Variants in PHACTR2 observed in about 807,000 individuals in gnomAD.
PHACTR2 encodes chromosome 6 open reading frame 56.
PHACTR2 carries 30 observed loss-of-function variants against 76.0 expected under a neutral mutation model. The observed-to-expected ratio is 0.39, with a 90% CI of 0.30 to 0.54. The LOEUF (loss-of-function observed/expected upper bound fraction) is 0.54, where lower values mean the gene tolerates loss of function less well. PHACTR2 is among the 20% of genes least tolerant of loss of function. The pLI is 0.61. For synonymous variants in PHACTR2, 292 were observed against 292.5 expected (o/e 1.00, Z 0.02); for missense variants, 696 against 781.1 (o/e 0.89, Z 1.30).
chr6:143,653,796 A>C lies in PHACTR2; in HGVS notation c.13+45474A>C, dbSNP rs1776802493. 6.6e-6 allele frequency among the ~76,000 whole-genome samples: 1 copy of C among 152,168 alleles called. No homozygotes were observed. Among genetic ancestry groups the C allele is most frequent in the Non-Finnish European group, 1.5e-5 (1 of 68,022 alleles). On this transcript the variant is annotated intron_variant, in intron 1 of 11. Transcript: ENST00000305766. This position sits in a 1 kb window ranked among gnomAD's most constrained non-coding sequence, Gnocchi z 4.9. ...GAAAACATAGGTGTAAATTTTCATG[A>C]CCTTGAATTAGGCAATTATTTCTTT...
intron 1 of PHACTR2, among the ~76,000 whole-genome samples, chr6:143,584,474 C>T (rs1014604948): frequency 1.3e-5 from 2 of 152,152 alleles, no homozygotes; most frequent in Admixed American, 1.3e-4. Context: ...TCAAATAAGG[C>T]ATCACATTCC....
chr6:143,692,527 T>C (rs962612054), intron 1 of PHACTR2, among the ~76,000 whole-genome samples: 28 of 152,188 alleles, frequency 1.8e-4, no homozygotes, highest in African/African-American at 6.5e-4. Flanking sequence ...ATGAAAAGAA[T>C]AAAATCAAAC....
intron 2 of PHACTR2, among the ~76,000 whole-genome samples, chr6:143,729,483 T>A (rs1277030310): frequency 1.3e-5 from 2 of 152,176 alleles, no homozygotes; most frequent in African/African-American, 4.8e-5. Context: ...TACATTTAGA[T>A]CTATGATCAG....
Position 143,557,349 on chromosome 6 carries a change from C to T in PHACTR2, c.217+20142C>T, listed in dbSNP as rs1028872854. Among the ~76,000 whole-genome samples, 2 of 152,322 alleles carry T rather than the reference C, an allele frequency of 1.3e-5. No homozygotes were observed. Among genetic ancestry groups the T allele is most frequent in the East Asian group, 3.9e-4 (2 of 5,186 alleles). On this transcript the variant is annotated intron_variant, in intron 1 of 11. Transcript: ENST00000367584. This position sits in a 1 kb window ranked among gnomAD's most constrained non-coding sequence, Gnocchi z 5.5. Reference sequence around the variant, plus strand: ...GGGAGGTAAATCATCTTGGGTCATACAGCCAGTAAGTGCAGAGGCAGAATT... The same window carrying T: ...GGGAGGTAAATCATCTTGGGTCATATAGCCAGTAAGTGCAGAGGCAGAATT...
At chr6:143,766,197 G>A (rs542707208) in intron 6 of PHACTR2, among the ~76,000 whole-genome samples, 55 of 152,316 alleles carry the variant, frequency 3.6e-4, no homozygotes, top group African/African-American at 1.3e-3. Context: ...AAGATCAGAA[G>A]AGAACTCTCA....
intron 11 of PHACTR2, among the ~76,000 whole-genome samples, chr6:143,796,375 T>G (rs1351393597): frequency 8.2e-6 from 1 of 121,364 alleles, no homozygotes; most frequent in East Asian, 2.5e-4. Context: ...GCATTTTCTT[T>G]TTCTTTTCTT....
intron 1 of PHACTR2, among the ~76,000 whole-genome samples, chr6:143,706,955 G>A (rs1778068157): frequency 6.6e-6 from 1 of 152,158 alleles, no homozygotes; most frequent in African/African-American, 2.4e-5. Context: ...ATGATAGCAT[G>A]TATCTTAAGT....
intron 1 of PHACTR2, among the ~76,000 whole-genome samples, chr6:143,668,301 T>C (rs1777081305): frequency 1.3e-5 from 2 of 152,198 alleles, no homozygotes; most frequent in African/African-American, 4.8e-5. Flanking sequence ...GATTTTTGCA[T>C]CTATGTTCAT....
chr6:143,719,349 CTTTTTTTTTTTTT>C (rs34643788), intron 2 of PHACTR2, among the ~76,000 whole-genome samples: 11 of 86,918 alleles, frequency 1.3e-4, no homozygotes, highest in Admixed American at 2.4e-4. Context: ...TTCGACACTT[CTTTTTTTTTTTTT>C]TTTTTTTTGA....
chr6:143,565,389 T>C (rs1017147910), intron 1 of PHACTR2, among the ~76,000 whole-genome samples: 2 of 151,992 alleles, frequency 1.3e-5, no homozygotes, highest in African/African-American at 2.4e-5. Context: ...GAGTCCAAGG[T>C]GGGCGGATCA....
chr6:143,743,509 T>A lies in PHACTR2; in HGVS notation c.215-5476T>A, dbSNP rs1484742097. On this transcript the variant is annotated intron_variant, in intron 2 of 12. Transcript: ENST00000440869. The surrounding 1 kb of genome is among the most constrained non-coding windows in gnomAD (Gnocchi z 5.0). The stretch of plus-strand genomic sequence containing the variant: ...GTATCTCTGCTGTACATTCTTGGGA[T>A]GTTTTGGAAGGTTTTTGCAAATGTC... Among the ~76,000 whole-genome samples, 1 of 152,192 alleles carries A rather than the reference T, an allele frequency of 6.6e-6. No individual in the cohort carries two copies. Among genetic ancestry groups the A allele is most frequent in the Non-Finnish European group, 1.5e-5 (1 of 68,030 alleles).
rs550773630 is a variant in PHACTR2 at position 143,654,442 on chromosome 6, G to A, written c.13+46120G>A. On this transcript the variant is annotated intron_variant, in intron 1 of 11. Transcript: ENST00000305766. The surrounding 1 kb of genome is among the most constrained non-coding windows in gnomAD (Gnocchi z 4.6). ...GCCTAAAAGTGGAAACAACCCAAATGTTCATCAAACTGATGAATTCGTAAA... is the reference window on the plus strand; with the variant it reads ...GCCTAAAAGTGGAAACAACCCAAATATTCATCAAACTGATGAATTCGTAAA... Among the ~76,000 whole-genome samples the A allele has an allele frequency of 1.3e-5, 2 of 152,168 alleles. No individual in the cohort carries two copies. The highest frequency in any genetic ancestry group is 4.1e-4 in the South Asian group (2 of 4,822).
chr6:143,704,038 C>T (rs981139788), intron 1 of PHACTR2, among the ~76,000 whole-genome samples: 1 of 151,046 alleles, frequency 6.6e-6, no homozygotes, highest in Non-Finnish European at 1.5e-5. Flanking sequence ...AAAGGTCAGC[C>T]AGCCTTGATT....
At position 143,815,687 on chromosome 6, in the gene PHACTR2, G is replaced by T. The variant is rs906726681; in HGVS notation, c.1923-7987G>T. ...GTAGGTGGATCACCTGAGGTCAGGG[G>T]TTCAAGACCAGCCTTGCCAACATGG... On this transcript the variant is annotated intron_variant, in intron 12 of 12. Transcript: ENST00000440869. 5.3e-5 allele frequency among the ~76,000 whole-genome samples: 8 copies of T among 152,168 alleles called. No homozygotes were observed. The South Asian group carries it at 1.7e-3, about 32-fold the overall frequency.
rs1299337176 is a variant in PHACTR2, at chr6:143,820,685, T to C, written c.1923-2989T>C. The stretch of plus-strand genomic sequence containing the variant: ...CCAGGCACAGGGTGCAAGCTGCCAG[T>C]GGATCTACCATTCTGGGGTCTGGAG... On this transcript the variant is annotated intron_variant, in intron 12 of 12. Transcript: ENST00000440869. This position sits in a 1 kb window ranked among gnomAD's most constrained non-coding sequence, Gnocchi z 4.2. Among the ~76,000 whole-genome samples the C allele has an allele frequency of 6.6e-6, 1 of 152,232 alleles. No homozygotes were observed. Among genetic ancestry groups the C allele is most frequent in the African/African-American group, 2.4e-5 (1 of 41,472 alleles).
chr6:143,618,285 A>ACACG lies in PHACTR2; in HGVS notation c.13+9964_13+9965insACGC, dbSNP rs371031201. Among the ~76,000 whole-genome samples, 3 of 101,724 alleles carry ACACG rather than the reference A, an allele frequency of 2.9e-5. No homozygotes were observed. The highest frequency in any genetic ancestry group is 7.6e-5 in the Non-Finnish European group (3 of 39,518). The allele number at this position is 101,724 out of a possible 152,430, so 66.7% of individuals were successfully genotyped here. On this transcript the variant is annotated intron_variant, in intron 1 of 11. Transcript: ENST00000305766. This position sits in a 1 kb window ranked among gnomAD's most constrained non-coding sequence, Gnocchi z 5.2. Reference sequence around the variant, plus strand: ...CACACACACACACACACACACACACACGCACACTCCAGAATGAGTTTCAGA... The same window carrying ACACG: ...CACACACACACACACACACACACACACACGCGCACACTCCAGAATGAGTTTCAGA...
intron 5 of PHACTR2, among the ~76,000 whole-genome samples, chr6:143,763,903 T>C (rs940501097): frequency 3.3e-5 from 5 of 152,134 alleles, no homozygotes; most frequent in African/African-American, 7.2e-5. Context: ...GAACCCTTCA[T>C]GAAGAGAAGG....
intron 1 of PHACTR2, among the ~76,000 whole-genome samples, chr6:143,568,127 C>G (rs987630898): frequency 2.6e-5 from 4 of 152,072 alleles, no homozygotes; most frequent in African/African-American, 9.7e-5. Context: ...AATATCCAGG[C>G]CTTCTTCCTT....
At position 143,827,366 on chromosome 6, in the gene PHACTR2, G is replaced by A. The variant is rs1776569193; in HGVS notation, c.*3677G>A. The stretch of plus-strand genomic sequence containing the variant: ...CTTACTGTATTCACAATAGAAAAGG[G>A]TAGTCTTGTCTACCACAGAGGAGTA... On this transcript the variant is annotated 3_prime_UTR_variant, in exon 13 of 13. Coordinates refer to ENST00000440869, the MANE Select transcript of PHACTR2 (RefSeq NM_001100164.2). The A allele has an allele frequency of 1.3e-5, 2 of 151,404 alleles. No homozygotes were observed. The highest frequency in any genetic ancestry group is 4.9e-5 in the African/African-American group (2 of 41,230). The allele number at this position is 151,404 out of a possible 1,614,324, so 9.4% of individuals were successfully genotyped here.
Sources: gnomAD v4.1 joint callset for allele counts (sites outside exome capture counted in the v4.1 genomes callset) on GRCh38, gnomAD v4.1.1 for gene constraint, Gnocchi (gnomAD v3.1) non-coding constraint, MANE v1.5 for transcripts, NCBI Gene and HGNC (gene_info 2026-07-23, HGNC 2026-07-21) for gene names.